REV3L: variants seen among roughly 807,000 people sequenced by gnomAD.
REV3L encodes REV3 like, DNA directed polymerase zeta catalytic subunit, also known as DNA polymerase zeta catalytic subunit.
REV3L carries 69 observed loss-of-function variants against 299.4 expected under a neutral mutation model. The ratio of observed to expected loss-of-function variants is 0.23; its 90% CI spans 0.19 to 0.28. REV3L has a LOEUF of 0.28. Among genes scored for constraint, REV3L ranks in the 10% least tolerant of loss-of-function variants. The pLI, the probability that REV3L is intolerant of heterozygous loss-of-function variation, is 1.00. For missense variants in REV3L, 3,128 were observed against 3,693.8 expected, an observed-to-expected ratio of 0.85 and a Z score of 3.97; for synonymous variants, 1,238 against 1,271.4, an observed-to-expected ratio of 0.97 and a Z score of 0.56.
At chr6:111,471,765 G>A (rs1346703295) in intron 1 of REV3L, among the ~76,000 whole-genome samples, 1 of 152,160 alleles carries the variant, frequency 6.6e-6, no homozygotes, top group Non-Finnish European at 1.5e-5. Flanking sequence ...AGTGCCACAT[G>A]ACTATTCTTA....
chr6:111,472,185 G>A (rs2128338109), intron 1 of REV3L: 1 of 1,193,248 alleles, frequency 8.4e-7, no homozygotes, highest in South Asian at 1.4e-5. Flanking sequence ...CTGAGAAACT[G>A]CGAGTATGCC....
Position 111,333,374 on chromosome 6 carries a change from G to A in REV3L, c.7681-7C>T. Reference sequence around the variant, plus strand: ...TCATTGATTCCACACGGTACTGCAGGGAGAAAGGGAGGTGAGAAGAGAAGA... The same window carrying A: ...TCATTGATTCCACACGGTACTGCAGAGAGAAAGGGAGGTGAGAAGAGAAGA... On this transcript the variant is annotated splice_region_variant and splice_polypyrimidine_tract_variant and intron_variant, in intron 22 of 31. Coordinates refer to ENST00000368802, the MANE Select transcript of REV3L (RefSeq NM_001372078.1). The A allele has an allele frequency of 1.2e-6, 2 of 1,611,512 alleles. No individual in the cohort carries two copies. The highest frequency in any genetic ancestry group is 1.7e-6 in the Non-Finnish European group (2 of 1,178,148).
Position 111,322,688 on chromosome 6 carries a change from C to T in REV3L, c.8242-10G>A, listed in dbSNP as rs768782068. The T allele has an allele frequency of 6.2e-7, 1 of 1,603,360 alleles. No homozygotes were observed. ...CAATACTATCGCCAACCTGTTGGTA[C>T]AAACACATTGGAAATAATTTCTTAA... On this transcript the variant is annotated splice_polypyrimidine_tract_variant and intron_variant, in intron 25 of 31. Transcript: ENST00000368802.
intron 4 of REV3L, 39 bp downstream of exon 4, chr6:111,405,431 A>C (rs773368749): frequency 3.3e-6 from 5 of 1,526,232 alleles, no homozygotes; most frequent in Non-Finnish European, 4.4e-6. Context: ...CAAAACTTTA[A>C]TTTGACAAAA....
Position 111,389,225 on chromosome 6 carries a change from A to C in REV3L, c.758-15T>G. ...ACCAATTTGAGCTGTAATCACAATA[A>C]TACTTCAATACTACAGGGTCAAAGT... On this transcript the variant is annotated splice_polypyrimidine_tract_variant and intron_variant, in intron 6 of 31. Transcript: ENST00000368802. The C allele has an allele frequency of 6.4e-7, 1 of 1,556,950 alleles. No individual in the cohort carries two copies. The highest frequency in any genetic ancestry group is 8.8e-7 in the Non-Finnish European group (1 of 1,130,060).
Position 111,375,646 on chromosome 6 carries a change from C to T in REV3L, c.2709G>A (p.Thr903=), listed in dbSNP as rs756913650. ...GTCCAAAGGACTGCTCAGTTTCTAA[C>T]GTTCCATCTCCAAAGTGACAGTCTA... is the stretch of plus-strand genomic sequence containing the variant. ...GFIDCHFGDG[T]LETEQSFGLY... is the part of the protein sequence containing the mutation. The change falls in exon 13 of 32, where the codon ACG becomes ACA. Residue 903 remains threonine, a synonymous_variant. Transcript: ENST00000368802. The T allele has an allele frequency of 5.4e-5, 87 of 1,613,770 alleles. No homozygotes were observed. Among genetic ancestry groups the T allele is most frequent in the Non-Finnish European group, 6.8e-5 (80 of 1,179,894 alleles).
chr6:111,422,647 T>C (rs113260849), intron 1 of REV3L, among the ~76,000 whole-genome samples: 1,444 of 20,300 alleles, frequency 0.071, 304 homozygotes, highest in South Asian at 0.13. Context: ...TATATATATA[T>C]ACATATATAT....
At chr6:111,363,999 A>G in intron 15 of REV3L, 21 bp from the exon 16 acceptor site, 2 of 1,590,460 alleles carry the variant, frequency 1.3e-6, no homozygotes, top group Non-Finnish European at 1.7e-6. Context: ...AAACACACAC[A>G]CACACAGCCA....
intron 1 of REV3L, among the ~76,000 whole-genome samples, chr6:111,442,756 T>C (rs1236779150): frequency 6.6e-6 from 1 of 152,246 alleles, no homozygotes; most frequent in Non-Finnish European, 1.5e-5. Context: ...AGTTGTCTTA[T>C]TAACTACATC....
At chr6:111,483,417 C>G, upstream of REV3L, 1 of 432,234 alleles carries the variant, frequency 2.3e-6, no homozygotes. Context: ...GCCGGCAGCG[C>G]CCGCGCGGGA....
chr6:111,370,734 C>T (rs1359332462), intron 13 of REV3L, among the ~76,000 whole-genome samples: 1 of 151,934 alleles, frequency 6.6e-6, no homozygotes, highest in African/African-American at 2.4e-5. Context: ...TTTAGGTTGA[C>T]AGCAAAATTG....
chr6:111,383,734 T>C (rs561442239), intron 9 of REV3L, among the ~76,000 whole-genome samples: 2 of 152,204 alleles, frequency 1.3e-5, no homozygotes, highest in South Asian at 4.1e-4. Flanking sequence ...ACCAATGATA[T>C]TCTTCACAGA....
At chr6:111,439,220 G>A (rs959539141) in intron 1 of REV3L, among the ~76,000 whole-genome samples, 1 of 152,086 alleles carries the variant, frequency 6.6e-6, no homozygotes, top group Non-Finnish European at 1.5e-5. Context: ...TGGAAATGAC[G>A]TCAGACAAAA....
intron 27 of REV3L, among the ~76,000 whole-genome samples, chr6:111,314,983 T>C (rs911584790): frequency 5.3e-5 from 8 of 151,866 alleles, no homozygotes; most frequent in Admixed American, 5.3e-4. Context: ...CTGGAACAGC[T>C]GGGACTACAG....
At chr6:111,312,338 T>G (rs1773076230) in intron 28 of REV3L, 1 of 152,234 alleles carries the variant, frequency 6.6e-6, no homozygotes, top group Admixed American at 6.5e-5. Flanking sequence ...ATGCTTTTAA[T>G]GCTCTCATCA....
chr6:111,380,494 C>T (rs1381001149), intron 10 of REV3L, among the ~76,000 whole-genome samples: 2 of 152,082 alleles, frequency 1.3e-5, no homozygotes, highest in Admixed American at 6.6e-5. Context: ...CTCCTGACCT[C>T]GTGATCTGCC....
intron 1 of REV3L, among the ~76,000 whole-genome samples, chr6:111,460,699 A>G (rs555179906): frequency 3.5e-4 from 53 of 152,278 alleles, no homozygotes; most frequent in African/African-American, 1.3e-3. Flanking sequence ...CAACAGTATA[A>G]ACGGTATAAA....
At chr6:111,442,363 T>C (rs1446946966) in intron 1 of REV3L, among the ~76,000 whole-genome samples, 1 of 152,232 alleles carries the variant, frequency 6.6e-6, no homozygotes, top group East Asian at 1.9e-4. Context: ...TTTGTCTTTT[T>C]GAAAACTTGA....
chr6:111,391,305 A>G (rs939989784), intron 5 of REV3L, among the ~76,000 whole-genome samples: 5 of 152,136 alleles, frequency 3.3e-5, no homozygotes, highest in Non-Finnish European at 5.9e-5. Flanking sequence ...ACCTCAAGTG[A>G]TCTGCCTACC....
Sources: gnomAD v4.1 joint callset for allele counts (sites outside exome capture counted in the v4.1 genomes callset) on GRCh38, gnomAD v4.1.1 for gene constraint, MANE v1.5 for transcripts, NCBI Gene and HGNC (gene_info 2026-07-23, HGNC 2026-07-21) for gene names.